The following TMEM181 variants were observed in gnomAD, a reference collection of about 807,000 sequenced individuals.
TMEM181 encodes the protein G protein-coupled receptor 178.
A neutral mutation model predicts 71.9 loss-of-function variants in TMEM181; 39 were observed. The observed-to-expected ratio is 0.54, with a 90% CI of 0.42 to 0.71. The LOEUF (loss-of-function observed/expected upper bound fraction) is 0.71. Among genes scored for constraint, TMEM181 ranks in the 30% least tolerant of loss-of-function variants. The pLI, the probability that TMEM181 is intolerant of heterozygous loss-of-function variation, is 0.00. For missense variants in TMEM181, 595 were observed against 583.0 expected, an observed-to-expected ratio of 1.02 and a Z score of -0.21; for synonymous variants, 245 against 228.8, an observed-to-expected ratio of 1.07 and a Z score of -0.64.
intron 2 of TMEM181, among the ~76,000 whole-genome samples, chr6:158,574,773 G>C (rs1298234105): frequency 2.0e-5 from 3 of 152,166 alleles, no homozygotes; most frequent in African/African-American, 4.8e-5. Context: ...CTGTCTGTCT[G>C]TCTGTCCTGC....
At chr6:158,565,429 G>A (rs1562623093) in intron 1 of TMEM181, among the ~76,000 whole-genome samples, 1 of 152,216 alleles carries the variant, frequency 6.6e-6, no homozygotes, top group Non-Finnish European at 1.5e-5. Context: ...CAAGGACCAG[G>A]TCCCAGGGAG....
intron 6 of TMEM181, among the ~76,000 whole-genome samples, chr6:158,593,933 A>G (rs1051566707): frequency 2.6e-5 from 4 of 152,012 alleles, no homozygotes; most frequent in African/African-American, 7.2e-5. Flanking sequence ...CACAGTTTAC[A>G]TTAGAATTCC....
At chr6:158,606,639 T>A (rs1784974637) in intron 7 of TMEM181, among the ~76,000 whole-genome samples, 1 of 152,264 alleles carries the variant, frequency 6.6e-6, no homozygotes, top group Non-Finnish European at 1.5e-5. Context: ...ATATAATGTT[T>A]TAAAGCAGTT....
At chr6:158,570,336 C>T (rs996894508) in intron 1 of TMEM181, among the ~76,000 whole-genome samples, 7 of 151,272 alleles carry the variant, frequency 4.6e-5, no homozygotes, top group Non-Finnish European at 7.4e-5. Context: ...GGGTTCACAC[C>T]GTTCTCCTGC....
chr6:158,553,282 A>G (rs143827008), intron 1 of TMEM181, among the ~76,000 whole-genome samples: 1 of 152,286 alleles, frequency 6.6e-6, no homozygotes, highest in East Asian at 1.9e-4. Context: ...TTTAAATTAC[A>G]TAAAAAGCTT....
rs1554227490 is a variant in TMEM181, at chr6:158,605,159, T to TAC, written c.493-107_493-106insCA. 1,061 of 703,232 alleles carry TAC rather than the reference T, an allele frequency of 1.5e-3. 32 individuals are homozygous for TAC. The African/African-American group carries it at 0.017, about 11-fold the overall frequency. 43.6% of individuals were successfully genotyped at this position (703,232 alleles called of 1,614,324 possible). A position where few individuals can be genotyped will look rare whatever the true frequency, so the allele number is the denominator to read the frequency against. On this transcript the variant is annotated intron_variant, in intron 6 of 16. Coordinates refer to ENST00000684151, the MANE Select transcript of TMEM181 (RefSeq NM_001376852.1). ...GTGTGTGTGTGTGTGTGTGTGTGTG[T>TAC]ATGTGTATATATTGTCTCATCTAGA...
chr6:158,627,334 C>T (rs1479590592), intron 13 of TMEM181, among the ~76,000 whole-genome samples: 1 of 152,260 alleles, frequency 6.6e-6, no homozygotes, highest in African/African-American at 2.4e-5. Context: ...ACTCATTTAT[C>T]CTACAAATAG....
At chr6:158,572,419 C>G (rs1277491868) in intron 1 of TMEM181, 1 of 456,750 alleles carries the variant, frequency 2.2e-6, no homozygotes. Context: ...GCGAGGACAA[C>G]AGAGAACACA....
chr6:158,553,959 C>T (rs9346757), intron 1 of TMEM181, among the ~76,000 whole-genome samples: 92,932 of 151,664 alleles, frequency 0.61, 28,836 homozygotes, highest in East Asian at 0.72. Context: ...CAGGCTGGAG[C>T]GTAATGGCAC....
At chr6:158,607,860 C>T (rs117606128) in intron 8 of TMEM181, among the ~76,000 whole-genome samples, 2,497 of 152,314 alleles carry the variant, frequency 0.016, 25 homozygotes, top group Middle Eastern at 0.044. Context: ...AAAACTTGGA[C>T]GTGCTACAGA....
chr6:158,631,593 C>T (rs939462548), intron 16 of TMEM181, among the ~76,000 whole-genome samples: 16 of 152,290 alleles, frequency 1.1e-4, no homozygotes, highest in Admixed American at 3.3e-4. Flanking sequence ...ACCTGTAGGG[C>T]GTGCTGGCCA....
chr6:158,562,597 C>T (rs1782252793), intron 1 of TMEM181, among the ~76,000 whole-genome samples: 1 of 152,200 alleles, frequency 6.6e-6, no homozygotes, highest in South Asian at 2.1e-4. Context: ...AAGCATGGCA[C>T]AGACAAATTA....
Position 158,607,249 on chromosome 6 carries a change from G to C in TMEM181, c.579G>C (p.Leu193=). The C allele has an allele frequency of 6.2e-7, 1 of 1,614,212 alleles. No homozygotes were observed. The highest frequency in any genetic ancestry group is 1.1e-5 in the South Asian group (1 of 91,088). Residue 193 remains leucine, a synonymous_variant, in exon 8 of 17, where the codon CTG becomes CTC. Coordinates refer to ENST00000684151, the MANE Select transcript of TMEM181 (RefSeq NM_001376852.1). ...FVVLTFIVTC[L]FAHSLRKFSM... ...AGGCCTGATTTGGTTTGCAGTGCCT[G>C]TTTGCGCATTCCCTCCGGAAATTTT... is the stretch of plus-strand genomic sequence containing the variant.
chr6:158,589,899 T>C, intron 6 of TMEM181, 117 bp downstream of exon 6: 1 of 738,600 alleles, frequency 1.4e-6, no homozygotes, highest in South Asian at 1.9e-5. Flanking sequence ...AGTGGAGGAC[T>C]TGTAAAGTTT....
At chr6:158,592,795 G>A (rs896731322) in intron 6 of TMEM181, among the ~76,000 whole-genome samples, 15 of 152,118 alleles carry the variant, frequency 9.9e-5, no homozygotes. Flanking sequence ...GTGCACACCT[G>A]TAGTCCCAGC....
At chr6:158,541,191 G>A (rs1582909804) in intron 1 of TMEM181, among the ~76,000 whole-genome samples, 1 of 152,120 alleles carries the variant, frequency 6.6e-6, no homozygotes, top group East Asian at 1.9e-4. Flanking sequence ...TGATGGGGGC[G>A]GATCACTTGA....
intron 10 of TMEM181, among the ~76,000 whole-genome samples, chr6:158,611,983 C>CCCCG (rs1554228495): frequency 1.4e-5 from 2 of 145,840 alleles, no homozygotes; most frequent in African/African-American, 4.9e-5. Context: ...GATACCCCCC[C>CCCCG]CACCTCCTAG....
chr6:158,611,908 C>T (rs1002315997), intron 10 of TMEM181, among the ~76,000 whole-genome samples: 4 of 152,056 alleles, frequency 2.6e-5, no homozygotes, highest in Non-Finnish European at 5.9e-5. Flanking sequence ...TGTATCTCTT[C>T]GCCTTGCTTA....
At chr6:158,572,633 C>T (rs1562628151) in intron 1 of TMEM181, among the ~76,000 whole-genome samples, 1 of 152,218 alleles carries the variant, frequency 6.6e-6, no homozygotes, top group Admixed American at 6.5e-5. Flanking sequence ...CATGTACTAC[C>T]TGGGCCTTTA....
Sources: allele counts gnomAD v4.1 joint callset (sites outside exome capture counted in the v4.1 genomes callset), GRCh38; gene constraint gnomAD v4.1.1; transcripts MANE v1.5; gene names NCBI Gene and HGNC (gene_info 2026-07-23, HGNC 2026-07-21).